The following VWA3B variants were observed in gnomAD, a reference collection of about 807,000 sequenced individuals.
The protein encoded by VWA3B is von Willebrand factor A domain-containing protein 3B.
In VWA3B, 138 loss-of-function variants were observed where a neutral mutation model predicts 158.3. The observed-to-expected ratio is 0.87, with a 90% confidence interval of 0.76 to 1.00. VWA3B has a LOEUF of 1.00. VWA3B is among the 50% of genes least tolerant of loss of function. VWA3B has a pLI of 0.00. For synonymous variants in VWA3B, 596 were observed against 587.3 expected (o/e 1.01, Z -0.21); for missense variants, 1,555 against 1,565.1 (o/e 0.99, Z 0.11).
intron 21 of VWA3B, among the ~76,000 whole-genome samples, chr2:98,257,157 A>G (rs140239318): frequency 1.1e-4 from 16 of 151,772 alleles, no homozygotes; most frequent in African/African-American, 3.9e-4. Flanking sequence ...CTGCCTCCAT[A>G]AGATCAACTT....
In VWA3B at chr2:98,298,447, C is replaced by CTATT. The variant is rs1558773943; in HGVS notation, c.3282+416_3282+417insTATT. ...CTATTCTATTCTATTCTATTCTATGCCATGCCATGCCATGCCATGCCATCC... is the reference window on the plus strand; with the variant it reads ...CTATTCTATTCTATTCTATTCTATGCTATTCATGCCATGCCATGCCATGCCATCC... On this transcript the variant is annotated intron_variant, in intron 24 of 27. Transcript: ENST00000477737. Among the ~76,000 whole-genome samples the CTATT allele has an allele frequency of 5.4e-3, 794 of 145,914 alleles. 4 individuals are homozygous for CTATT. The highest frequency in any genetic ancestry group is 0.025 in the Middle Eastern group (7 of 276).
intron 19 of VWA3B, among the ~76,000 whole-genome samples, chr2:98,238,278 C>T (rs1026543705): frequency 1.3e-5 from 2 of 152,124 alleles, no homozygotes; most frequent in Non-Finnish European, 2.9e-5. Flanking sequence ...GTGCTCCTGT[C>T]CCTGGCTGTT....
chr2:98,317,816 G>A (rs1278771755), downstream of VWA3B, among the ~76,000 whole-genome samples: 1 of 152,126 alleles, frequency 6.6e-6, no homozygotes, highest in Non-Finnish European at 1.5e-5. Flanking sequence ...GCTGTGTCAC[G>A]GGCCATGGTC....
chr2:98,118,457 A>G (rs1211388404), intron 3 of VWA3B, among the ~76,000 whole-genome samples: 2 of 152,214 alleles, frequency 1.3e-5, no homozygotes, highest in Non-Finnish European at 2.9e-5. Flanking sequence ...AATGTGCTCT[A>G]AGAATCCCTA....
chr2:98,287,681 C>A (rs1689244610), intron 22 of VWA3B, among the ~76,000 whole-genome samples: 1 of 152,138 alleles, frequency 6.6e-6, no homozygotes. Flanking sequence ...TCATGTAGTG[C>A]CATTTGGAAA....
At chr2:98,197,074 G>A (rs1682113545) in intron 12 of VWA3B, among the ~76,000 whole-genome samples, 1 of 152,176 alleles carries the variant, frequency 6.6e-6, no homozygotes, top group African/African-American at 2.4e-5. Context: ...GATCTCACAT[G>A]ACATTTAGTT....
intron 24 of VWA3B, 103 bp downstream of exon 24, chr2:98,298,134 G>T: frequency 1.5e-6 from 2 of 1,317,676 alleles, no homozygotes; most frequent in South Asian, 2.2e-5. Context: ...GAACCTACAC[G>T]GGCTCCTGCA....
intron 14 of VWA3B, 45 bp downstream of exon 14, chr2:98,218,073 C>A: frequency 6.5e-7 from 1 of 1,544,444 alleles, no homozygotes; most frequent in Non-Finnish European, 8.7e-7. Flanking sequence ...TTTGTTTGAG[C>A]ATTACAGGCT....
intron 22 of VWA3B, among the ~76,000 whole-genome samples, chr2:98,272,627 C>A (rs543424286): frequency 6.6e-6 from 1 of 152,272 alleles, no homozygotes; most frequent in Admixed American, 6.5e-5. Context: ...CGGTGACCAG[C>A]CCCACCCTGA....
chr2:98,315,559 A>G (rs999847134), downstream of VWA3B, among the ~76,000 whole-genome samples: 1 of 152,220 alleles, frequency 6.6e-6, no homozygotes, highest in African/African-American at 2.4e-5. Flanking sequence ...AGTGATGTAA[A>G]AAAGATTCCA....
At chr2:98,187,363 C>T (rs1455253240) in intron 9 of VWA3B, among the ~76,000 whole-genome samples, 5 of 151,876 alleles carry the variant, frequency 3.3e-5, no homozygotes, top group African/African-American at 9.7e-5. Flanking sequence ...AGAGGAGGAG[C>T]GCCGGTTGAG....
At chr2:98,319,443 CTT>C in the VWA3B span, among the ~76,000 whole-genome samples, 239 of 152,202 alleles carry the variant, frequency 1.6e-3, 2 homozygotes, top group Admixed American at 0.011. Context: ...ACAAAGAACT[CTT>C]TAAAATTCAA....
chr2:98,156,578 C>T (rs1345307330), intron 7 of VWA3B, among the ~76,000 whole-genome samples: 2 of 151,870 alleles, frequency 1.3e-5, no homozygotes, highest in East Asian at 1.9e-4. Context: ...GCCCTGCCAC[C>T]GTCTTTGTTA....
At chr2:98,131,136 T>G (rs1675838130) in intron 6 of VWA3B, among the ~76,000 whole-genome samples, 1 of 152,196 alleles carries the variant, frequency 6.6e-6, no homozygotes, top group African/African-American at 2.4e-5. Context: ...CCACTGGTAT[T>G]TATCATTCTA....
At position 98,217,095 on chromosome 2, in the gene VWA3B, C is replaced by T. The variant is rs1284464169; in HGVS notation, c.1837-751C>T. 8.8e-6 allele frequency: 6 copies of T among 680,682 alleles called. No individual in the cohort carries two copies. The East Asian group carries it at 4.1e-4, about 46-fold the overall frequency. 42.2% of individuals were successfully genotyped at this position (680,682 alleles called of 1,614,324 possible). On this transcript the variant is annotated intron_variant, in intron 13 of 27. Coordinates refer to ENST00000477737, the MANE Select transcript of VWA3B (RefSeq NM_144992.5). ...AGAGGGTGGGGGTTCCCCTCAATGG[C>T]AGAGGGAGCTCCATCCCTGCAATGG...
At chr2:98,243,349 C>G (rs1317411155) in intron 19 of VWA3B, among the ~76,000 whole-genome samples, 1 of 146,134 alleles carries the variant, frequency 6.8e-6, no homozygotes, top group Admixed American at 6.7e-5. Flanking sequence ...TTTTTTTTTT[C>G]TTGAGATGGA....
Position 98,217,839 on chromosome 2 carries a change from G to A in VWA3B, c.1837-7G>A, listed in dbSNP as rs572215721. The A allele has an allele frequency of 4.0e-5, 62 of 1,555,660 alleles. 1 individual carries two copies. Among genetic ancestry groups the A allele is most frequent in the African/African-American group, 3.2e-4 (23 of 71,826 alleles). ...CCTTCCCCCATCCCCAAAACTTATCGTTTCAGCCACCTGAAACAGTTATAG... is the reference window on the plus strand; with the variant it reads ...CCTTCCCCCATCCCCAAAACTTATCATTTCAGCCACCTGAAACAGTTATAG... On this transcript the variant is annotated splice_polypyrimidine_tract_variant and splice_region_variant and intron_variant, in intron 13 of 27. Transcript: ENST00000477737.
At chr2:98,310,393 G>A (rs76006504) in intron 26 of VWA3B, among the ~76,000 whole-genome samples, 6,038 of 152,200 alleles carry the variant, frequency 0.04, 169 homozygotes, top group Middle Eastern at 0.075. Context: ...TCCAGGCAGG[G>A]GGGTAGGCAT....
chr2:98,183,427 C>T (rs1172521878), intron 9 of VWA3B, among the ~76,000 whole-genome samples: 5 of 152,028 alleles, frequency 3.3e-5, no homozygotes, highest in African/African-American at 1.2e-4. Context: ...CCAGGAAACT[C>T]GTTAACACAG....
Sources: allele counts gnomAD v4.1 joint callset (sites outside exome capture counted in the v4.1 genomes callset), GRCh38; gene constraint gnomAD v4.1.1; transcripts MANE v1.5; gene names NCBI Gene and HGNC (gene_info 2026-07-23, HGNC 2026-07-21).